PLEKHA7: variants seen among roughly 807,000 people sequenced by gnomAD.
The protein encoded by PLEKHA7 is pleckstrin homology domain-containing family A member 7.
Under a neutral mutation model 170.0 loss-of-function variants are expected in PLEKHA7, and 104 were observed. That is an observed-to-expected ratio of 0.61 (90% CI 0.52 to 0.72). The LOEUF (loss-of-function observed/expected upper bound fraction) is 0.72, where lower values mean the gene tolerates loss of function less well. Among genes scored for constraint, PLEKHA7 ranks in the 30% least tolerant of loss-of-function variants. PLEKHA7 has a pLI of 0.00. For synonymous variants in PLEKHA7, 648 were observed against 660.8 expected, an observed-to-expected ratio of 0.98 and a Z score of 0.30; for missense variants, 1,615 against 1,671.7, an observed-to-expected ratio of 0.97 and a Z score of 0.59.
At chr11:16,815,480 T>C (rs184041623) in intron 12 of PLEKHA7, among the ~76,000 whole-genome samples, 1 of 152,358 alleles carries the variant, frequency 6.6e-6, no homozygotes, top group East Asian at 1.9e-4. Context: ...GGAAGTTTTT[T>C]TCAGGAAAGC....
At chr11:16,806,729 C>T (rs1849016728) in intron 13 of PLEKHA7, among the ~76,000 whole-genome samples, 2 of 152,198 alleles carry the variant, frequency 1.3e-5, no homozygotes. Context: ...CAAAAAGTGC[C>T]ACCTTAATCT....
At chr11:16,940,577 T>C (rs1025406054) in intron 3 of PLEKHA7, among the ~76,000 whole-genome samples, 1 of 152,204 alleles carries the variant, frequency 6.6e-6, no homozygotes, top group Non-Finnish European at 1.5e-5. Context: ...CGTGAGCCAC[T>C]GCACCTGGCC....
chr11:16,835,162 TTGGGAGGCTGAGG>T (rs567141062), intron 9 of PLEKHA7, among the ~76,000 whole-genome samples: 1 of 152,188 alleles, frequency 6.6e-6, no homozygotes, highest in South Asian at 2.1e-4. Context: ...TCCTAGCTAT[TTGGGAGGCTGAGG>T]TGGGAGGTTC....
chr11:16,796,079 G>A (rs1281162928), intron 17 of PLEKHA7, among the ~76,000 whole-genome samples: 2 of 151,856 alleles, frequency 1.3e-5, no homozygotes, highest in Non-Finnish European at 1.5e-5. Flanking sequence ...GGCTGGTCTT[G>A]AACTCCTGAC....
Position 16,919,920 on chromosome 11 carries a change from C to T in PLEKHA7, c.222-48738G>A, listed in dbSNP as rs369647383. ...ACAAAGGACTTTGACTTTGAGCTTC[C>T]CTTCTCTGGGATTTGTGATACCAGC... On this transcript the variant is annotated intron_variant, in intron 3 of 26. Transcript: ENST00000531066. 5.1e-3 allele frequency among the ~76,000 whole-genome samples: 773 copies of T among 152,232 alleles called. 5 individuals carry two copies. Among genetic ancestry groups the T allele is most frequent in the Middle Eastern group, 0.024 (7 of 292 alleles).
At chr11:16,798,024 C>T (rs1848353608) in intron 17 of PLEKHA7, among the ~76,000 whole-genome samples, 1 of 152,194 alleles carries the variant, frequency 6.6e-6, no homozygotes, top group African/African-American at 2.4e-5. Flanking sequence ...CTGCCTCCTC[C>T]CACCACACTG....
chr11:16,938,183 C>A (rs566065485), intron 3 of PLEKHA7, among the ~76,000 whole-genome samples: 8 of 152,214 alleles, frequency 5.3e-5, no homozygotes, highest in Admixed American at 3.9e-4. Context: ...CACAAATGTT[C>A]TAATATTCTT....
intron 3 of PLEKHA7, among the ~76,000 whole-genome samples, chr11:17,009,952 C>G (rs1453436046): frequency 6.6e-6 from 1 of 152,112 alleles, no homozygotes; most frequent in Non-Finnish European, 1.5e-5. Context: ...AAGGGGTTAT[C>G]AACATCACTT....
intron 8 of PLEKHA7, among the ~76,000 whole-genome samples, chr11:16,844,034 T>C (rs141297084): frequency 2.0e-5 from 3 of 152,250 alleles, no homozygotes; most frequent in African/African-American, 7.2e-5. Flanking sequence ...CCCTGGACCA[T>C]GATCACACAA....
At chr11:17,009,353 G>T (rs1195858673) in intron 3 of PLEKHA7, among the ~76,000 whole-genome samples, 1 of 152,136 alleles carries the variant, frequency 6.6e-6, no homozygotes, top group Non-Finnish European at 1.5e-5. Context: ...TCTGCTATAG[G>T]AATGTCCAGG....
Position 16,885,350 on chromosome 11 carries a change from T to C in PLEKHA7, c.222-14168A>G, listed in dbSNP as rs556081095. Among the ~76,000 whole-genome samples the C allele has an allele frequency of 8.7e-5, 13 of 149,946 alleles. No individual in the cohort carries two copies. In the East Asian group the frequency reaches 1.6e-3, roughly 18 times the overall value. ...ATCTCAAAAAAAAAAAAAAAATTCA[T>C]ATGTAAAAGTAAAAACTAAAGCAAG... On this transcript the variant is annotated intron_variant, in intron 3 of 26. Coordinates refer to ENST00000531066, the MANE Select transcript of PLEKHA7 (RefSeq NM_001329630.2).
intron 3 of PLEKHA7, among the ~76,000 whole-genome samples, chr11:16,876,870 A>AT (rs1350400216): frequency 6.6e-6 from 1 of 151,994 alleles, no homozygotes; most frequent in Admixed American, 6.6e-5. Context: ...TGGCACAGCA[A>AT]TTTTTTTTGG....
intron 4 of PLEKHA7, among the ~76,000 whole-genome samples, chr11:16,870,506 G>T (rs937831292): frequency 6.6e-6 from 1 of 152,004 alleles, no homozygotes; most frequent in Non-Finnish European, 1.5e-5. Context: ...GTGCATGCCT[G>T]TAGTTCCAGC....
At chr11:16,824,590 G>A (rs1250097090) in intron 10 of PLEKHA7, among the ~76,000 whole-genome samples, 6 of 152,114 alleles carry the variant, frequency 3.9e-5, no homozygotes, top group South Asian at 2.1e-4. Flanking sequence ...ATTCACTTAC[G>A]AGTGTCGCTG....
intron 4 of PLEKHA7, among the ~76,000 whole-genome samples, chr11:16,858,919 A>T (rs1200246178): frequency 6.6e-6 from 1 of 152,188 alleles, no homozygotes; most frequent in Admixed American, 6.5e-5. Context: ...AGCTTCTGGG[A>T]TGCTAGCTGG....
chr11:17,000,971 T>C (rs1864629971), intron 3 of PLEKHA7, among the ~76,000 whole-genome samples: 1 of 152,164 alleles, frequency 6.6e-6, no homozygotes, highest in African/African-American at 2.4e-5. Context: ...CTGTCCCTAC[T>C]CCTCAACTCA....
rs543809324 is a variant in PLEKHA7, at chr11:16,959,730, C to A, written c.221+54259G>T. 2.6e-5 allele frequency among the ~76,000 whole-genome samples: 4 copies of A among 152,346 alleles called. No individual in the cohort carries two copies. The East Asian group carries it at 7.7e-4, about 29-fold the overall frequency. On this transcript the variant is annotated intron_variant, in intron 3 of 26. Coordinates refer to ENST00000531066, the MANE Select transcript of PLEKHA7 (RefSeq NM_001329630.2). Reference sequence around the variant, plus strand: ...AACAAAAGGCCTACTCAGTTGAAATCTAATCTGTGTTAATTAACGCCCCTG... The same window carrying A: ...AACAAAAGGCCTACTCAGTTGAAATATAATCTGTGTTAATTAACGCCCCTG...
chr11:16,908,468 C>T (rs1285502253), intron 3 of PLEKHA7, among the ~76,000 whole-genome samples: 2 of 151,190 alleles, frequency 1.3e-5, no homozygotes, highest in African/African-American at 4.9e-5. Flanking sequence ...TCTCAGGTTT[C>T]GAGCTCCCAG....
At chr11:16,974,420 G>A (rs959132232) in intron 3 of PLEKHA7, among the ~76,000 whole-genome samples, 3 of 151,830 alleles carry the variant, frequency 2.0e-5, no homozygotes, top group East Asian at 1.9e-4. Flanking sequence ...GACAGACTGC[G>A]CAAAATATGG....
Sources: gnomAD v4.1 joint callset for allele counts (sites outside exome capture counted in the v4.1 genomes callset) on GRCh38, gnomAD v4.1.1 for gene constraint, MANE v1.5 for transcripts, NCBI Gene and HGNC (gene_info 2026-07-23, HGNC 2026-07-21) for gene names.